NXN: variants seen among roughly 807,000 people sequenced by gnomAD.
The protein encoded by NXN is nucleoredoxin, also known as nucleoredoxin 1.
A neutral mutation model predicts 48.6 loss-of-function variants in NXN; 16 were observed. That is an observed-to-expected ratio of 0.33 (90% CI 0.22 to 0.50). NXN has a LOEUF of 0.50. NXN is among the 20% of genes least tolerant of loss of function. The pLI, the probability that NXN is intolerant of heterozygous loss-of-function variation, is 0.98. For synonymous variants in NXN, 281 were observed against 269.6 expected, an observed-to-expected ratio of 1.04 and a Z score of -0.41; for missense variants, 492 against 605.5, an observed-to-expected ratio of 0.81 and a Z score of 1.97.
At chr17:806,415 C>CA (rs1477513642) in intron 5 of NXN, among the ~76,000 whole-genome samples, 3 of 152,110 alleles carry the variant, frequency 2.0e-5, no homozygotes, top group African/African-American at 7.2e-5. Flanking sequence ...AATGAAAACT[C>CA]AGAGAAAGCC....
chr17:840,779 G>C (rs888141447), intron 1 of NXN, among the ~76,000 whole-genome samples: 3 of 152,184 alleles, frequency 2.0e-5, no homozygotes, highest in Non-Finnish European at 4.4e-5. Flanking sequence ...TCTGAGAGAT[G>C]TGTGTCCATG....
chr17:923,359 C>CA (rs1449463123), intron 1 of NXN, among the ~76,000 whole-genome samples: 4 of 152,174 alleles, frequency 2.6e-5, no homozygotes, highest in Non-Finnish European at 4.4e-5. Context: ...CGCTTTACAC[C>CA]AAAAAAATTT....
intron 1 of NXN, among the ~76,000 whole-genome samples, chr17:868,631 A>G (rs2068118520): frequency 6.6e-6 from 1 of 152,042 alleles, no homozygotes; most frequent in African/African-American, 2.4e-5. Flanking sequence ...AGCTGGGACA[A>G]CAGGCGCCCA....
At chr17:937,532 G>T (rs1165909673) in intron 1 of NXN, among the ~76,000 whole-genome samples, 4 of 152,274 alleles carry the variant, frequency 2.6e-5, no homozygotes, top group African/African-American at 9.6e-5. Flanking sequence ...CTCCGTCATC[G>T]AGAGGAACGC....
At position 959,327 on chromosome 17, in the gene NXN, G is replaced by A. The variant is rs116111402; in HGVS notation, c.360+19992C>T. The A allele has an allele frequency of 3.7e-3, 945 of 257,106 alleles. 8 individuals are homozygous for A. Among genetic ancestry groups the A allele is most frequent in the African/African-American group, 0.016 (714 of 44,274 alleles). The allele number at this position is 257,106 out of a possible 1,614,324, so 15.9% of individuals were successfully genotyped here. A position where few individuals can be genotyped will look rare whatever the true frequency, so the allele number is the denominator to read the frequency against. On this transcript the variant is annotated intron_variant, in intron 1 of 7. Transcript: ENST00000336868. ...CTCTGTAGGCCCCTCCCAGGCCCGCGACACTCCAAGGAGGGCTGGGAGTAC... is the reference window on the plus strand; with the variant it reads ...CTCTGTAGGCCCCTCCCAGGCCCGCAACACTCCAAGGAGGGCTGGGAGTAC...
At chr17:885,156 A>G (rs552258) in intron 1 of NXN, among the ~76,000 whole-genome samples, 145,583 of 152,306 alleles carry the variant, frequency 0.96, 69,749 homozygotes, top group Middle Eastern at 0.99. Flanking sequence ...AGTTTAGGAC[A>G]GAGACTAATA....
chr17:864,476 C>G (rs1180526075), intron 1 of NXN, among the ~76,000 whole-genome samples: 2 of 152,204 alleles, frequency 1.3e-5, no homozygotes, highest in African/African-American at 2.4e-5. Flanking sequence ...TGGAAAGAAA[C>G]AGAATCGAGG....
intron 1 of NXN, among the ~76,000 whole-genome samples, chr17:843,919 A>G (rs2067829442): frequency 6.6e-6 from 1 of 152,250 alleles, no homozygotes; most frequent in Non-Finnish European, 1.5e-5. Flanking sequence ...CGTGAGACTA[A>G]GAAAAAAGAA....
intron 1 of NXN, among the ~76,000 whole-genome samples, chr17:873,806 G>C (rs563560026): frequency 1.3e-5 from 2 of 152,084 alleles, no homozygotes; most frequent in African/African-American, 4.8e-5. Flanking sequence ...CATTTCCCTG[G>C]GGGGAAAGAG....
intron 1 of NXN, among the ~76,000 whole-genome samples, chr17:851,905 G>A (rs2067927463): frequency 6.6e-6 from 1 of 152,204 alleles, no homozygotes; most frequent in African/African-American, 2.4e-5. Context: ...AGGGAGATTA[G>A]CAAGTTTTCC....
intron 1 of NXN, among the ~76,000 whole-genome samples, chr17:942,719 G>A (rs1456709219): frequency 9.6e-5 from 11 of 114,562 alleles, no homozygotes; most frequent in Non-Finnish European, 1.2e-4. Context: ...ACACCTTCCT[G>A]GATTTACAGT....
chr17:812,107 T>C (rs1245403629), intron 5 of NXN, among the ~76,000 whole-genome samples: 2 of 150,668 alleles, frequency 1.3e-5, no homozygotes, highest in African/African-American at 4.9e-5. Context: ...TTTTGTATTT[T>C]TAATAGAGAC....
intron 1 of NXN, among the ~76,000 whole-genome samples, chr17:863,051 G>A (rs1306164359): frequency 6.6e-6 from 1 of 152,076 alleles, no homozygotes; most frequent in Non-Finnish European, 1.5e-5. Context: ...ATTGGTTCTG[G>A]GACCCCCACA....
intron 1 of NXN, among the ~76,000 whole-genome samples, chr17:964,633 A>C (rs1355662300): frequency 6.6e-6 from 1 of 152,334 alleles, no homozygotes; most frequent in East Asian, 1.9e-4. Flanking sequence ...CTACATCTGA[A>C]ATGTCAGAAT....
intron 1 of NXN, among the ~76,000 whole-genome samples, chr17:835,193 A>G (rs1429159913): frequency 1.3e-5 from 2 of 151,670 alleles, no homozygotes; most frequent in East Asian, 3.9e-4. Context: ...CTGTACTCCC[A>G]GCTACTCGGG....
Position 917,504 on chromosome 17 carries a change from C to A in NXN, c.360+61815G>T, listed in dbSNP as rs919783266. On this transcript the variant is annotated intron_variant, in intron 1 of 7. Transcript: ENST00000336868. This position sits in a 1 kb window ranked among gnomAD's most constrained non-coding sequence, Gnocchi z 4.5. ...CCCACACTGTCGTCTGTGGAAACCA[C>A]ACCAGCTCCTCCTCTTCCTTCTGGA... 3.3e-5 allele frequency among the ~76,000 whole-genome samples: 5 copies of A among 152,260 alleles called. No homozygotes were observed. The highest frequency in any genetic ancestry group is 2.0e-4 in the Admixed American group (3 of 15,284).
intron 1 of NXN, among the ~76,000 whole-genome samples, chr17:931,368 G>A (rs1449215007): frequency 6.6e-6 from 1 of 151,072 alleles, no homozygotes; most frequent in African/African-American, 2.4e-5. Flanking sequence ...CAGAAGAAAT[G>A]CTTAAACCTG....
intron 1 of NXN, among the ~76,000 whole-genome samples, chr17:897,826 C>T (rs969280552): frequency 2.6e-5 from 4 of 152,202 alleles, no homozygotes; most frequent in Non-Finnish European, 5.9e-5. Context: ...CAGGTGCCCG[C>T]CACCACGCAT....
chr17:835,212 G>A (rs545387766), intron 1 of NXN, among the ~76,000 whole-genome samples: 5 of 151,608 alleles, frequency 3.3e-5, no homozygotes, highest in Admixed American at 1.3e-4. Flanking sequence ...GGAGGCTGAG[G>A]CAGGAGAATG....
Sources: gnomAD v4.1 joint callset for allele counts (sites outside exome capture counted in the v4.1 genomes callset) on GRCh38, gnomAD v4.1.1 for gene constraint, Gnocchi (gnomAD v3.1) non-coding constraint, MANE v1.5 for transcripts, NCBI Gene and HGNC (gene_info 2026-07-23, HGNC 2026-07-21) for gene names.